Variants in TTC28 observed in about 807,000 individuals in gnomAD.
TTC28 encodes tetratricopeptide repeat domain 28, also known as tetratricopeptide repeat protein 28.
Under a neutral mutation model 198.0 loss-of-function variants are expected in TTC28, and 61 were observed. The observed-to-expected ratio is 0.31, with a 90% confidence interval of 0.25 to 0.38. The LOEUF (loss-of-function observed/expected upper bound fraction) is 0.38, where lower values mean the gene tolerates loss of function less well. Ranked by LOEUF, TTC28 falls within the 10% of genes least tolerant of loss-of-function variation. The pLI, the probability that TTC28 is intolerant of heterozygous loss-of-function variation, is 1.00. For synonymous variants in TTC28, 1,171 were observed against 1,297.8 expected (o/e 0.90, Z 2.10); for missense variants, 2,678 against 3,164.0 (o/e 0.85, Z 3.69).
At chr22:28,102,848 T>C (rs565766589) in intron 8 of TTC28, among the ~76,000 whole-genome samples, 1 of 152,314 alleles carries the variant, frequency 6.6e-6, no homozygotes, top group South Asian at 2.1e-4. Flanking sequence ...TTGTAAATAA[T>C]TCACATTTTT....
chr22:28,615,459 A>G (rs1223439156), intron 2 of TTC28, among the ~76,000 whole-genome samples: 5 of 152,236 alleles, frequency 3.3e-5, no homozygotes, highest in African/African-American at 4.8e-5. Context: ...GTATATACCC[A>G]AAGGATTATA....
At chr22:28,360,303 C>T (rs1469922819) in intron 2 of TTC28, among the ~76,000 whole-genome samples, 1 of 152,178 alleles carries the variant, frequency 6.6e-6, no homozygotes. Context: ...GCTCACTTAA[C>T]TAAGTCTGCA....
intron 6 of TTC28, among the ~76,000 whole-genome samples, chr22:28,120,894 G>A (rs927944374): frequency 6.6e-6 from 1 of 152,186 alleles, no homozygotes; most frequent in Non-Finnish European, 1.5e-5. Context: ...ATGATTGTGT[G>A]AAGTGTTCTA....
chr22:28,392,652 C>G (rs2146073956), intron 2 of TTC28, among the ~76,000 whole-genome samples: 1 of 152,316 alleles, frequency 6.6e-6, no homozygotes. Context: ...AGGGAACTCC[C>G]TGACTCCTTG....
At chr22:28,573,121 C>CA (rs34470620) in intron 2 of TTC28, among the ~76,000 whole-genome samples, 7,579 of 78,322 alleles carry the variant, frequency 0.097, 289 homozygotes, top group African/African-American at 0.17. Context: ...GACCATGTCT[C>CA]AAAAAAAAAA....
intron 2 of TTC28, among the ~76,000 whole-genome samples, chr22:28,553,611 G>A (rs1039149321): frequency 6.6e-6 from 1 of 152,016 alleles, no homozygotes; most frequent in African/African-American, 2.4e-5. Flanking sequence ...TCTGGGAAGT[G>A]AGGAGCGTCT....
rs867127532 is a variant in TTC28 at position 27,993,338 on chromosome 22, C to T, written c.5425G>A (p.Asp1809Asn). The T allele has an allele frequency of 2.6e-6, 4 of 1,549,868 alleles. No homozygotes were observed. The highest frequency in any genetic ancestry group is 1.4e-5 in the African/African-American group (1 of 73,052). ...LPAAVFFPTS[D>N]PGDRLQQCSS... ...CACTGCTGGAGCCGGTCGCCCGGGT[C>T]GGAGGTTGGGAAGAAGACAGCCGCT... is the stretch of plus-strand genomic sequence containing the variant. Residue 1809 changes from aspartate to asparagine, a missense_variant, in exon 18 of 23, where the codon GAC becomes AAC. Physicochemically the swap from Asp to Asn is conservative, Grantham distance 23. This residue lies in a region of TTC28 where 314 missense variants were observed against 442.7 expected (regional missense o/e 0.71). Coordinates refer to ENST00000397906, the MANE Select transcript of TTC28 (RefSeq NM_001145418.2).
rs1277454744 is a variant in TTC28 at position 28,163,588 on chromosome 22, T to A, written c.945A>T (p.Ser315=). Residue 315 remains serine (S), a synonymous_variant, in exon 6 of 23, where the codon TCA becomes TCT. Transcript: ENST00000397906. ...ACACGTGGCCCAGACTGCTCAAGGCTGATGAAGCTGCCTGGAGAGAAAAGG... is the reference window on the plus strand; with the variant it reads ...ACACGTGGCCCAGACTGCTCAAGGCAGATGAAGCTGCCTGGAGAGAAAAGG... ...MKLKDREAAS[S]ALSSLGHVYT... The A allele has an allele frequency of 6.5e-7, 1 of 1,534,306 alleles. No homozygotes were observed.
At chr22:28,534,780 G>A (rs2049229150) in intron 2 of TTC28, among the ~76,000 whole-genome samples, 1 of 152,276 alleles carries the variant, frequency 6.6e-6, no homozygotes. Flanking sequence ...GATGAAGCTG[G>A]AAACCATCAT....
chr22:28,657,066 T>C (rs2051670425), intron 1 of TTC28, among the ~76,000 whole-genome samples: 1 of 152,212 alleles, frequency 6.6e-6, no homozygotes, highest in South Asian at 2.1e-4. Flanking sequence ...CTTTTAATGC[T>C]CACAACAAAC....
intron 2 of TTC28, among the ~76,000 whole-genome samples, chr22:28,443,754 C>G (rs1483343498): frequency 1.3e-5 from 2 of 152,042 alleles, no homozygotes; most frequent in Non-Finnish European, 2.9e-5. Flanking sequence ...TCTGCTCCAA[C>G]ACAAAAAGTA....
intron 2 of TTC28, among the ~76,000 whole-genome samples, chr22:28,338,293 T>A (rs1480973912): frequency 6.6e-6 from 1 of 152,188 alleles, no homozygotes; most frequent in Non-Finnish European, 1.5e-5. Context: ...CATTTCAACT[T>A]TGGTGAATCT....
At chr22:28,071,282 C>T (rs916401277) in intron 12 of TTC28, among the ~76,000 whole-genome samples, 1 of 151,790 alleles carries the variant, frequency 6.6e-6, no homozygotes, top group African/African-American at 2.4e-5. Flanking sequence ...CACATGCACA[C>T]GTATGTTTAT....
chr22:28,169,467 T>C (rs2147077281), intron 5 of TTC28, among the ~76,000 whole-genome samples: 1 of 152,246 alleles, frequency 6.6e-6, no homozygotes, highest in African/African-American at 2.4e-5. Flanking sequence ...GTGGCACATA[T>C]ACACCATGGA....
intron 2 of TTC28, among the ~76,000 whole-genome samples, chr22:28,424,449 C>T (rs933629101): frequency 4.6e-5 from 7 of 152,154 alleles, no homozygotes; most frequent in Admixed American, 2.6e-4. Flanking sequence ...ATACTTGGAA[C>T]ATTGTATTAT....
chr22:28,003,302 G>A (rs973987394), intron 14 of TTC28, among the ~76,000 whole-genome samples: 1 of 152,158 alleles, frequency 6.6e-6, no homozygotes, highest in East Asian at 1.9e-4. Flanking sequence ...TGGCACAGCT[G>A]ATGCTGCCCT....
intron 5 of TTC28, among the ~76,000 whole-genome samples, chr22:28,291,201 T>C (rs2044782197): frequency 1.3e-5 from 2 of 152,028 alleles, no homozygotes; most frequent in South Asian, 2.1e-4. Context: ...AAGAATATCC[T>C]AGACATTAAA....
At chr22:28,511,232 G>C (rs1217874029) in intron 2 of TTC28, among the ~76,000 whole-genome samples, 1 of 152,166 alleles carries the variant, frequency 6.6e-6, no homozygotes, top group Non-Finnish European at 1.5e-5. Flanking sequence ...AAAGCTGGAA[G>C]CATCATGCTA....
chr22:28,567,919 C>A (rs1052784807), intron 2 of TTC28, among the ~76,000 whole-genome samples: 7 of 151,766 alleles, frequency 4.6e-5, no homozygotes, highest in Non-Finnish European at 1.0e-4. Context: ...AAGACATTTA[C>A]AAAATACTCA....
Sources: allele counts gnomAD v4.1 joint callset (sites outside exome capture counted in the v4.1 genomes callset), GRCh38; gene constraint gnomAD v4.1.1; regional missense constraint gnomAD v4.1.1; transcripts MANE v1.5; gene names NCBI Gene and HGNC (gene_info 2026-07-23, HGNC 2026-07-21).